ELOA: variants seen among roughly 807,000 people sequenced by gnomAD.
The protein encoded by ELOA is elongin-A.
ELOA carries 15 observed loss-of-function variants against 85.2 expected under a neutral mutation model. That is an observed-to-expected ratio of 0.18 (90% CI 0.12 to 0.27). The LOEUF (loss-of-function observed/expected upper bound fraction) is 0.27. Among genes scored for constraint, ELOA ranks in the 10% least tolerant of loss-of-function variants. The probability of loss-of-function intolerance (pLI) is 1.00; values close to 1 mark genes in which losing one functional copy is unlikely to be tolerated. For missense variants in ELOA, 769 were observed against 952.7 expected, an observed-to-expected ratio of 0.81 and a Z score of 2.54; for synonymous variants, 348 against 357.2, an observed-to-expected ratio of 0.97 and a Z score of 0.29.
rs182428129 is a variant in ELOA at position 23,751,679 on chromosome 1, G to A, written c.1074G>A (p.Leu358=). ...CAGGAAAAGGAGCAGGAGACCTGTT[G>A]CCCAAGGTAAAAGAGAAGGGTTCTA... ...FDTGKGAGDL[L]PKVKEKGSNN... The change falls in exon 4 of 11, where the codon TTG becomes TTA. Residue 358 remains leucine, a synonymous_variant. Transcript: ENST00000613537. 1 of 1,614,180 alleles carries A rather than the reference G, an allele frequency of 6.2e-7. No individual in the cohort carries two copies. Among genetic ancestry groups the A allele is most frequent in the Non-Finnish European group, 8.5e-7 (1 of 1,180,038 alleles).
chr1:23,759,953 CT>C lies in ELOA; in HGVS notation c.*384del. 4.4e-6 allele frequency: 1 copy of C among 228,560 alleles called. No homozygotes were observed. The highest frequency in any genetic ancestry group is 8.7e-6 in the Non-Finnish European group (1 of 114,648). The allele number at this position is 228,560 out of a possible 1,614,324, so 14.2% of individuals were successfully genotyped here. On this transcript the variant is annotated 3_prime_UTR_variant, in exon 11 of 11. Coordinates refer to ENST00000613537, the MANE Select transcript of ELOA (RefSeq NM_003198.3). ...TTTTGTCCTCTACCACACATTTAGC[CT>C]TTTATCTTCCAGGTCCTTATTAAAA...
In ELOA at chr1:23,743,551, C is replaced by A. The variant is rs1324964504; in HGVS notation, c.48C>A (p.Arg16=). 1 of 1,495,980 alleles carries A rather than the reference C, an allele frequency of 6.7e-7. No individual in the cohort carries two copies. Among genetic ancestry groups the A allele is most frequent in the Non-Finnish European group, 8.9e-7 (1 of 1,127,820 alleles). The allele number at this position is 1,495,980 out of a possible 1,614,324, so 92.7% of individuals were successfully genotyped here. ...AAGTTGTGGAGAAGCTGCAGGCGCG[C>A]CTGGCCGCGAACCCGGACCCTAAGA... is the stretch of plus-strand genomic sequence containing the variant. The part of the protein sequence containing the change: ...ALQVVEKLQA[R]LAANPDPKKL... The change falls in exon 1 of 11, where the codon CGC becomes CGA. Residue 16 remains arginine, a synonymous_variant. Transcript: ENST00000613537.
Position 23,751,077 on chromosome 1 carries a change from T to C in ELOA, c.472T>C (p.Cys158Arg). The change falls in exon 4 of 11, where the codon TGT becomes CGT. Residue 158 changes from cysteine to arginine, a missense_variant. Around this residue, in one of 4 missense-constraint regions of ELOA, gnomAD observed 440 missense variants for 474.0 expected, o/e 0.93. Transcript: ENST00000613537. Reference sequence around the variant, plus strand: ...TGAGAGGAGAGATGAGAGAAAGAGGTGTCACAGAATGTCACCAACTTACTC... The same window carrying C: ...TGAGAGGAGAGATGAGAGAAAGAGGCGTCACAGAATGTCACCAACTTACTC... ...GHERRDERKR[C>R]HRMSPTYSSD... The C allele has an allele frequency of 6.2e-7, 1 of 1,613,684 alleles. No individual in the cohort carries two copies. The highest frequency in any genetic ancestry group is 8.5e-7 in the Non-Finnish European group (1 of 1,179,940).
At position 23,759,719 on chromosome 1, in the gene ELOA, C is replaced by G. The variant is rs943790548; in HGVS notation, c.*146C>G. The G allele has an allele frequency of 1.2e-6, 1 of 840,368 alleles. No individual in the cohort carries two copies. Among genetic ancestry groups the G allele is most frequent in the African/African-American group, 1.7e-5 (1 of 58,724 alleles). 52.1% of individuals were successfully genotyped at this position (840,368 alleles called of 1,614,324 possible). A position where few individuals can be genotyped will look rare whatever the true frequency, so the allele number is the denominator to read the frequency against. ...GTCCTGCAGTCTGCAGGTGCTGCCCCTGGGAACCTGCGTGCCACAGCCCCG... is the reference window on the plus strand; with the variant it reads ...GTCCTGCAGTCTGCAGGTGCTGCCCGTGGGAACCTGCGTGCCACAGCCCCG... On this transcript the variant is annotated 3_prime_UTR_variant, in exon 11 of 11. Transcript: ENST00000613537.
chr1:23,743,950 C>A, intron 1 of ELOA: 1 of 170,814 alleles, frequency 5.9e-6, no homozygotes, highest in Non-Finnish European at 1.2e-5. Context: ...CCTCCCGGTG[C>A]CTGCGCTGGT....
intron 1 of ELOA, chr1:23,744,311 CA>C (rs1230418179): frequency 6.6e-6 from 1 of 152,204 alleles, no homozygotes; most frequent in African/African-American, 2.4e-5. Context: ...GATGGACAAC[CA>C]TTTTTAATTG....
chr1:23,756,423 C>G, intron 9 of ELOA, 38 bp downstream of exon 9: 4 of 1,528,522 alleles, frequency 2.6e-6, no homozygotes, highest in Non-Finnish European at 3.6e-6. Context: ...TGTGTGCTAT[C>G]AACCCTTAGA....
chr1:23,745,312 C>T (rs1187450097), intron 1 of ELOA, among the ~76,000 whole-genome samples: 1 of 152,134 alleles, frequency 6.6e-6, no homozygotes, highest in African/African-American at 2.4e-5. Flanking sequence ...ACGTTTGATA[C>T]CTTAAAGCAG....
chr1:23,756,046 G>A lies in ELOA; in HGVS notation c.1972+23G>A, dbSNP rs370911561. ...AAGGTAACAGAGACGGGAGAGCTGG[G>A]GGAGAACTGGCAGGATGAGTGTTCT... is the stretch of plus-strand genomic sequence containing the variant. On this transcript the variant is annotated intron_variant, in intron 8 of 10. Coordinates refer to ENST00000613537, the MANE Select transcript of ELOA (RefSeq NM_003198.3). 45 of 1,607,902 alleles carry A rather than the reference G, an allele frequency of 2.8e-5. No homozygotes were observed. The African/African-American group carries it at 5.2e-4, about 19-fold the overall frequency.
intron 3 of ELOA, 136 bp downstream of exon 3, chr1:23,750,084 G>A: frequency 5.6e-6 from 3 of 533,174 alleles, no homozygotes; most frequent in Non-Finnish European, 9.1e-6. Context: ...GATCATTGTA[G>A]AATATTAGAA....
intron 5 of ELOA, among the ~76,000 whole-genome samples, chr1:23,753,042 C>T (rs1035378562): frequency 9.9e-5 from 15 of 152,138 alleles, no homozygotes; most frequent in Admixed American, 7.9e-4. Context: ...CCCAGGTACT[C>T]GGTAGGCTGA....
chr1:23,745,941 C>G (rs1264213121), intron 1 of ELOA, among the ~76,000 whole-genome samples: 1 of 152,122 alleles, frequency 6.6e-6, no homozygotes, highest in Non-Finnish European at 1.5e-5. Context: ...TATCAGCAGC[C>G]TAGGACCACT....
In ELOA at chr1:23,754,355, C is replaced by T. The variant is rs1445466683; in HGVS notation, c.1694-8C>T. The T allele has an allele frequency of 1.2e-6, 2 of 1,614,212 alleles. No homozygotes were observed. Among genetic ancestry groups the T allele is most frequent in the East Asian group, 2.2e-5 (1 of 44,888 alleles). On this transcript the variant is annotated splice_region_variant and splice_polypyrimidine_tract_variant and intron_variant, in intron 6 of 10. Transcript: ENST00000613537. ...TACTCAGTGTCTTCACCTTTGGTTTCTCTGCAGCAATCTTTGAAGTGGGAG... is the reference window on the plus strand; with the variant it reads ...TACTCAGTGTCTTCACCTTTGGTTTTTCTGCAGCAATCTTTGAAGTGGGAG...
Position 23,756,002 on chromosome 1 carries a change from G to T in ELOA, c.1951G>T (p.Ala651Ser). 6.2e-7 allele frequency: 1 copy of T among 1,612,942 alleles called. No homozygotes were observed. Among genetic ancestry groups the T allele is most frequent in the Non-Finnish European group, 8.5e-7 (1 of 1,179,724 alleles). Residue 651 changes from alanine to serine, a missense_variant, in exon 8 of 11, where the codon GCA (alanine) becomes TCA (serine). This residue lies in a region of ELOA where 20 missense variants were observed against 58.8 expected (regional missense o/e 0.34). Coordinates refer to ENST00000613537, the MANE Select transcript of ELOA (RefSeq NM_003198.3). ...AGTACTAACAAAGAATATCCAGTTCGCACATGCCAATAAGCCCAAAGGTAA... is the reference window on the plus strand; with the variant it reads ...AGTACTAACAAAGAATATCCAGTTCTCACATGCCAATAAGCCCAAAGGTAA... ...LRVLTKNIQF[A>S]HANKPKGRQA...
chr1:23,761,205 T>C lies in ELOA; in HGVS notation c.*1632T>C, dbSNP rs1344863616. The C allele has an allele frequency of 6.6e-6, 1 of 152,194 alleles. No individual in the cohort carries two copies. Among genetic ancestry groups the C allele is most frequent in the Non-Finnish European group, 1.5e-5 (1 of 68,034 alleles). 9.4% of individuals were successfully genotyped at this position (152,194 alleles called of 1,614,324 possible). On this transcript the variant is annotated 3_prime_UTR_variant, in exon 11 of 11. Transcript: ENST00000613537. Reference sequence around the variant, plus strand: ...TGTTTTAATTTGCTATATTTTTGAATGGGTAAAGCATTACTTTACTTCTCT... The same window carrying C: ...TGTTTTAATTTGCTATATTTTTGAACGGGTAAAGCATTACTTTACTTCTCT...
chr1:23,754,564 T>C, intron 7 of ELOA, 104 bp downstream of exon 7: 2 of 900,302 alleles, frequency 2.2e-6, no homozygotes, highest in Non-Finnish European at 3.6e-6. Flanking sequence ...AGATCAGTGG[T>C]CAGAGCATTG....
At position 23,759,632 on chromosome 1, in the gene ELOA, G is replaced by C; in HGVS notation, c.*59G>C. Reference sequence around the variant, plus strand: ...AGGCAGGAATACAAGGACAGTGGGGGTTGGGGAATGGAATTCTACAGGAGA... The same window carrying C: ...AGGCAGGAATACAAGGACAGTGGGGCTTGGGGAATGGAATTCTACAGGAGA... On this transcript the variant is annotated 3_prime_UTR_variant, in exon 11 of 11. Transcript: ENST00000613537. 1 of 1,579,476 alleles carries C rather than the reference G, an allele frequency of 6.3e-7. No individual in the cohort carries two copies. Among genetic ancestry groups the C allele is most frequent in the Non-Finnish European group, 8.7e-7 (1 of 1,148,730 alleles).
chr1:23,748,357 C>A (rs1644755428), intron 1 of ELOA, among the ~76,000 whole-genome samples: 1 of 152,174 alleles, frequency 6.6e-6, no homozygotes, highest in African/African-American at 2.4e-5. Context: ...GACTCCAGAA[C>A]TCCATCTTAA....
intron 10 of ELOA, among the ~76,000 whole-genome samples, chr1:23,758,040 CTAAA>C (rs918094060): frequency 4.0e-5 from 6 of 151,320 alleles, no homozygotes; most frequent in Non-Finnish European, 4.4e-5. Context: ...GACACTGTCT[CTAAA>C]TAAATAAATA....
Sources: allele counts gnomAD v4.1 joint callset (sites outside exome capture counted in the v4.1 genomes callset), GRCh38; gene constraint gnomAD v4.1.1; regional missense constraint gnomAD v4.1.1; transcripts MANE v1.5; gene names NCBI Gene and HGNC (gene_info 2026-07-23, HGNC 2026-07-21).